TRPM3: variants seen among roughly 807,000 people sequenced by gnomAD.
TRPM3 encodes the protein long transient receptor potential channel 3.
A neutral mutation model predicts 181.2 loss-of-function variants in TRPM3; 77 were observed. The ratio of observed to expected loss-of-function variants is 0.42; its 90% CI spans 0.35 to 0.51. The LOEUF is 0.51. TRPM3 is among the 20% of genes least tolerant of loss of function. The probability of loss-of-function intolerance (pLI) is 0.01; values close to 1 mark genes in which losing one functional copy is unlikely to be tolerated. For synonymous variants in TRPM3, 745 were observed against 796.4 expected, an observed-to-expected ratio of 0.94 and a Z score of 1.09; for missense variants, 1,759 against 2,196.7, an observed-to-expected ratio of 0.80 and a Z score of 3.98.
intron 7 of TRPM3, among the ~76,000 whole-genome samples, chr9:70,779,954 G>A (rs1196795618): frequency 6.6e-6 from 1 of 152,106 alleles, no homozygotes; most frequent in Non-Finnish European, 1.5e-5. Context: ...GGGAGAAAGA[G>A]ACTCAAACAA....
intron 9 of TRPM3, among the ~76,000 whole-genome samples, chr9:70,650,387 C>T (rs10114661): frequency 0.087 from 13,306 of 152,198 alleles, 695 homozygotes; most frequent in South Asian, 0.14. Context: ...GTCATTTTGC[C>T]TGGAGGCCCA....
chr9:71,318,930 C>G (rs1339796811), intron 1 of TRPM3, among the ~76,000 whole-genome samples: 1 of 152,002 alleles, frequency 6.6e-6, no homozygotes, highest in Non-Finnish European at 1.5e-5. Flanking sequence ...GCCCCCTGCC[C>G]CAGTCCCCAG....
chr9:71,369,759 T>C (rs543374888), intron 1 of TRPM3, among the ~76,000 whole-genome samples: 1 of 152,218 alleles, frequency 6.6e-6, no homozygotes, highest in Non-Finnish European at 1.5e-5. Context: ...TTATAATTTG[T>C]GTACTTCTTT....
At chr9:71,302,747 T>C (rs2086889996) in intron 1 of TRPM3, among the ~76,000 whole-genome samples, 2 of 149,820 alleles carry the variant, frequency 1.3e-5, no homozygotes. Flanking sequence ...ATAGAGATTA[T>C]TAATGTCAAT....
chr9:71,395,478 G>A (rs1046561625), intron 1 of TRPM3, among the ~76,000 whole-genome samples: 1 of 152,198 alleles, frequency 6.6e-6, no homozygotes, highest in African/African-American at 2.4e-5. Flanking sequence ...TAGGGAGAGT[G>A]CTTTGTTTGA....
chr9:71,136,902 G>A (rs898411384), intron 1 of TRPM3, among the ~76,000 whole-genome samples: 2 of 152,192 alleles, frequency 1.3e-5, no homozygotes, highest in Admixed American at 6.5e-5. Flanking sequence ...GACGACAGTT[G>A]CTAAGATGTT....
At chr9:71,171,135 C>G (rs1028280125) in intron 1 of TRPM3, among the ~76,000 whole-genome samples, 1 of 152,148 alleles carries the variant, frequency 6.6e-6, no homozygotes, top group African/African-American at 2.4e-5. Context: ...AAATTCCTGC[C>G]TAATAAATTT....
intron 1 of TRPM3, among the ~76,000 whole-genome samples, chr9:70,923,833 T>C (rs1464063540): frequency 7.2e-6 from 1 of 139,702 alleles, no homozygotes; most frequent in Admixed American, 7.2e-5. Flanking sequence ...TCTCTCTATA[T>C]ATATATATAT....
intron 22 of TRPM3, among the ~76,000 whole-genome samples, chr9:70,585,277 TTTCTC>T (rs1233922239): frequency 1.3e-5 from 2 of 152,134 alleles, no homozygotes; most frequent in Non-Finnish European, 2.9e-5. Flanking sequence ...CAGTTGGACT[TTTCTC>T]TTGCATTTGA....
intron 1 of TRPM3, among the ~76,000 whole-genome samples, chr9:71,007,645 A>G (rs548306301): frequency 6.6e-6 from 1 of 152,304 alleles, no homozygotes; most frequent in African/African-American, 2.4e-5. Context: ...GAAATTTAAT[A>G]GTAAATTAAA....
chr9:71,282,366 A>AGAAG (rs2084897528), intron 1 of TRPM3, among the ~76,000 whole-genome samples: 1 of 117,410 alleles, frequency 8.5e-6, no homozygotes, highest in Non-Finnish European at 1.8e-5. Context: ...AGAAAAAGAA[A>AGAAG]GAATGAAAGA....
At chr9:71,345,142 G>A (rs1445917329) in intron 1 of TRPM3, among the ~76,000 whole-genome samples, 1 of 152,158 alleles carries the variant, frequency 6.6e-6, no homozygotes, top group East Asian at 1.9e-4. Flanking sequence ...ACTGTTGGTG[G>A]GAATGTACAT....
At chr9:71,251,624 AT>A (rs2082347465) in intron 1 of TRPM3, among the ~76,000 whole-genome samples, 1 of 152,178 alleles carries the variant, frequency 6.6e-6, no homozygotes, top group Admixed American at 6.5e-5. Flanking sequence ...CACATGAGAT[AT>A]TTTGATACAG....
Position 70,846,559 on chromosome 9 carries a change from A to T in TRPM3, c.495T>A (p.Asp165Glu), listed in dbSNP as rs749569428. ...YVRVSFDTKP[D>E]LLLHLMTKEW... is the part of the protein sequence containing the mutation. ...CCTTGGTCATCAGGTGTAAGAGGAG[A>T]TCAGGTTTTGTATCAAAAGATACTC... is the stretch of plus-strand genomic sequence containing the variant. Residue 165 changes from aspartate to glutamate, a missense_variant, in exon 4 of 26, where the codon GAT (aspartate) becomes GAA (glutamate). Asp to Glu is a conservative substitution (Grantham distance 45). This residue lies in a region of TRPM3 where 737 missense variants were observed against 957.4 expected (regional missense o/e 0.77). Transcript: ENST00000677713. 3 of 1,614,140 alleles carry T rather than the reference A, an allele frequency of 1.9e-6. No individual in the cohort carries two copies. In the East Asian group the frequency reaches 6.7e-5, roughly 36 times the overall value.
chr9:71,279,905 C>T (rs2084562022), intron 1 of TRPM3, among the ~76,000 whole-genome samples: 1 of 151,960 alleles, frequency 6.6e-6, no homozygotes, highest in Non-Finnish European at 1.5e-5. Context: ...TGGTGAAACC[C>T]CATCTCTACT....
In TRPM3 at chr9:70,761,706, C is replaced by A. The variant is rs556617650; in HGVS notation, c.1167G>T (p.Leu389Phe). 18 of 1,611,508 alleles carry A rather than the reference C, an allele frequency of 1.1e-5. No individual in the cohort carries two copies. Among genetic ancestry groups the A allele is most frequent in the Non-Finnish European group, 1.4e-5 (17 of 1,178,152 alleles). Residue 389 changes from leucine (L) to phenylalanine (F), a missense_variant, in exon 8 of 26, where the codon TTG becomes TTT. Physicochemically the swap from Leu to Phe is conservative, Grantham distance 22. This residue lies in a region of TRPM3 where 737 missense variants were observed against 957.4 expected (regional missense o/e 0.77). Coordinates refer to ENST00000677713, the MANE Select transcript of TRPM3 (RefSeq NM_001366145.2). ...GTATAGTCACCAACAGCTGGTCCCT[C>A]AAAGATTCATTTATCAGTCTGCAAG... ...SEEGGLINES[L>F]RDQLLVTIQK...
chr9:70,629,801 TG>T (rs1355986644), intron 12 of TRPM3, among the ~76,000 whole-genome samples: 1 of 152,246 alleles, frequency 6.6e-6, no homozygotes, highest in Non-Finnish European at 1.5e-5. Context: ...CCTGCAAGGC[TG>T]GATCTCATCT....
chr9:71,035,683 C>T (rs960667510), intron 1 of TRPM3, among the ~76,000 whole-genome samples: 4 of 152,128 alleles, frequency 2.6e-5, no homozygotes, highest in African/African-American at 9.7e-5. Flanking sequence ...TGCCAATGCA[C>T]TCCAGCCTGG....
intron 8 of TRPM3, among the ~76,000 whole-genome samples, chr9:70,737,959 G>T (rs1481255233): frequency 2.0e-5 from 3 of 152,138 alleles, no homozygotes; most frequent in Non-Finnish European, 4.4e-5. Flanking sequence ...GCACCAGACA[G>T]GTCATCAAGA....
Sources: gnomAD v4.1 joint callset for allele counts (sites outside exome capture counted in the v4.1 genomes callset) on GRCh38, gnomAD v4.1.1 for gene constraint, gnomAD v4.1.1 regional missense constraint, MANE v1.5 for transcripts, NCBI Gene and HGNC (gene_info 2026-07-23, HGNC 2026-07-21) for gene names.